Variants in BRCA2 observed in about 807,000 individuals in gnomAD.
BRCA2 encodes breast cancer type 2 susceptibility protein.
BRCA2 carries 203 observed loss-of-function variants against 276.7 expected under a neutral mutation model. The ratio of observed to expected loss-of-function variants is 0.73; its 90% CI spans 0.65 to 0.82. The LOEUF is 0.82. Among genes scored for constraint, BRCA2 ranks in the 40% least tolerant of loss-of-function variants. The pLI, the probability that BRCA2 is intolerant of heterozygous loss-of-function variation, is 0.00. For missense variants in BRCA2, 3,920 were observed against 3,915.0 expected (o/e 1.00, Z -0.03); for synonymous variants, 1,289 against 1,338.4 (o/e 0.96, Z 0.81).
At chr13:32,370,340 A>G in intron 18 of BRCA2, 62 bp from the exon 19 acceptor site, 1 of 1,482,784 alleles carries the variant, frequency 6.7e-7, no homozygotes, top group Non-Finnish European at 9.4e-7. Flanking sequence ...CTCTTATGAT[A>G]TCTGTAATAG....
intron 18 of BRCA2, among the ~76,000 whole-genome samples, chr13:32,369,356 C>A (rs746287597): frequency 1.3e-5 from 2 of 152,106 alleles, no homozygotes; most frequent in African/African-American, 2.4e-5. Context: ...TCAACCATTT[C>A]TTCCTATTTT....
At chr13:32,381,576 A>G (rs2072924676) in intron 24 of BRCA2, among the ~76,000 whole-genome samples, 1 of 152,142 alleles carries the variant, frequency 6.6e-6, no homozygotes, top group South Asian at 2.1e-4. Flanking sequence ...GCCGTGAAGC[A>G]TTGGCAGAGA....
Position 32,379,713 on chromosome 13 carries a change from T to G in BRCA2, c.8954-37T>G, listed in dbSNP as rs1422272596. 2 of 1,588,910 alleles carry G rather than the reference T, an allele frequency of 1.3e-6. No homozygotes were observed. Among genetic ancestry groups the G allele is most frequent in the East Asian group, 4.5e-5 (2 of 44,652 alleles). ...AAACAAACATTTAAATGATAATCAC[T>G]TCTTCCATTGCATCTTTCTCATCTT... is the stretch of plus-strand genomic sequence containing the variant. On this transcript the variant is annotated intron_variant, in intron 22 of 26. Coordinates refer to ENST00000380152, the MANE Select transcript of BRCA2 (RefSeq NM_000059.4).
At chr13:32,392,812 A>G (rs2073006444) in intron 24 of BRCA2, among the ~76,000 whole-genome samples, 2 of 151,982 alleles carry the variant, frequency 1.3e-5, no homozygotes, top group Admixed American at 1.3e-4. Flanking sequence ...AAGGTATTTT[A>G]CCCTGTTTCC....
intron 24 of BRCA2, among the ~76,000 whole-genome samples, chr13:32,380,786 A>C (rs2072919966): frequency 4.0e-5 from 6 of 151,686 alleles, no homozygotes; most frequent in Admixed American, 1.3e-4. Context: ...GTGATCTACC[A>C]GCCTCGGCCT....
intron 24 of BRCA2, among the ~76,000 whole-genome samples, chr13:32,388,051 A>G (rs1299003853): frequency 2.0e-5 from 3 of 150,296 alleles, no homozygotes; most frequent in Admixed American, 2.0e-4. Flanking sequence ...ATTTCTTACA[A>G]TCTCTTGTCT....
At position 32,344,571 on chromosome 13, in the gene BRCA2, CAAAAG is replaced by C. The variant is rs398122568; in HGVS notation, c.6859_6863del (p.Arg2287LeufsTer4). On this transcript the variant is annotated frameshift_variant, in exon 12 of 27. Coordinates refer to ENST00000380152, the MANE Select transcript of BRCA2 (RefSeq NM_000059.4). LOFTEE classifies it high-confidence loss of function. Reference sequence around the variant, plus strand: ...ATTTCTTTTTAGGAGAACCCTCAATCAAAAGAAACTTATTAAATGAATTTGACAGG... The same window carrying C: ...ATTTCTTTTTAGGAGAACCCTCAATCAAACTTATTAAATGAATTTGACAGG... 6.5e-7 allele frequency: 1 copy of C among 1,548,044 alleles called. No homozygotes were observed. Among genetic ancestry groups the C allele is most frequent in the Non-Finnish European group, 8.9e-7 (1 of 1,123,388 alleles).
At chr13:32,358,423 C>T (rs1045549583) in intron 16 of BRCA2, among the ~76,000 whole-genome samples, 1 of 150,912 alleles carries the variant, frequency 6.6e-6, no homozygotes, top group Admixed American at 6.6e-5. Flanking sequence ...TTGCAGTGAG[C>T]CAAGATTGAG....
chr13:32,345,340 C>A (rs2072604047), intron 12 of BRCA2, among the ~76,000 whole-genome samples: 2 of 152,138 alleles, frequency 1.3e-5, no homozygotes. Context: ...AATATACCAA[C>A]AGTACAAATA....
intron 20 of BRCA2, among the ~76,000 whole-genome samples, chr13:32,374,923 G>A (rs1268548651): frequency 6.6e-6 from 1 of 152,196 alleles, no homozygotes; most frequent in Non-Finnish European, 1.5e-5. Context: ...ACCTGAGACT[G>A]GGTAATTTGT....
chr13:32,329,372 G>T, intron 7 of BRCA2, 71 bp from the exon 8 acceptor site: 2 of 1,069,032 alleles, frequency 1.9e-6, no homozygotes, highest in South Asian at 1.4e-5. Context: ...TGTGCTTTTT[G>T]ATGTCTGACA....
Position 32,319,258 on chromosome 13 carries a change from G to A in BRCA2, c.249G>A (p.Glu83=), listed in dbSNP as rs1442324599. The A allele has an allele frequency of 6.2e-7, 1 of 1,613,844 alleles. No individual in the cohort carries two copies. Among genetic ancestry groups the A allele is most frequent in the South Asian group, 1.1e-5 (1 of 91,074 alleles). Residue 83 remains glutamate, a synonymous_variant, in exon 3 of 27, where the codon GAG becomes GAA. Coordinates refer to ENST00000380152, the MANE Select transcript of BRCA2 (RefSeq NM_000059.4). ...QLASTPIIFK[E]QGLTLPLYQS... is the part of the protein sequence containing the mutation. ...CTTCAACTCCAATAATATTCAAAGA[G>A]CAAGGGCTGACTCTGCCGCTGTACC...
intron 16 of BRCA2, among the ~76,000 whole-genome samples, chr13:32,360,600 C>T (rs2072731882): frequency 6.6e-6 from 1 of 152,104 alleles, no homozygotes; most frequent in African/African-American, 2.4e-5. Context: ...CCTCAGGATC[C>T]ACCCTCCTCG....
Position 32,363,293 on chromosome 13 carries a change from C to T in BRCA2, c.8091C>T (p.Ser2697=), listed in dbSNP as rs140782158. 1.1e-5 allele frequency: 18 copies of T among 1,614,078 alleles called. No individual in the cohort carries two copies. Among genetic ancestry groups the T allele is most frequent in the African/African-American group, 2.7e-5 (2 of 75,014 alleles). The change falls in exon 18 of 27, where the codon AGC becomes AGT. Residue 2697 remains serine, a synonymous_variant. Transcript: ENST00000380152. ...GTGTTTCTGACATAATTTCATTGAGCGCAAATATATCTGAAACTTCTAGCA... is the reference window on the plus strand; with the variant it reads ...GTGTTTCTGACATAATTTCATTGAGTGCAAATATATCTGAAACTTCTAGCA... ...VLCVSDIISL[S]ANISETSSNK...
At position 32,355,115 on chromosome 13, in the gene BRCA2, A is replaced by C; in HGVS notation, c.7262A>C (p.Gln2421Pro). 6.2e-7 allele frequency: 1 copy of C among 1,613,516 alleles called. No individual in the cohort carries two copies. Among genetic ancestry groups the C allele is most frequent in the Non-Finnish European group, 8.5e-7 (1 of 1,179,584 alleles). ...KTKSHFHRVE[Q>P]CVRNINLEEN... ...AAATCACATTTTCACAGAGTTGAAC[A>C]GTGTGTTAGGAATATTAACTTGGAG... is the stretch of plus-strand genomic sequence containing the variant. Residue 2421 changes from glutamine (Q) to proline (P), a missense_variant, in exon 14 of 27, where the codon CAG becomes CCG. Physicochemically the swap from Gln to Pro is moderately conservative, Grantham distance 76. Around this residue, in one of 2 missense-constraint regions of BRCA2, gnomAD observed 3,263 missense variants for 3,156.9 expected, o/e 1.03. Coordinates refer to ENST00000380152, the MANE Select transcript of BRCA2 (RefSeq NM_000059.4).
Position 32,339,266 on chromosome 13 carries a change from T to G in BRCA2, c.4911T>G (p.Val1637=), listed in dbSNP as rs1555283985. The change falls in exon 11 of 27, where the codon GTT becomes GTG. Residue 1637 remains valine, a synonymous_variant. Transcript: ENST00000380152. ...LKTSKSIFLK[V]KVHENVEKET... Reference sequence around the variant, plus strand: ...CATCAAAAAGTATCTTTTTGAAAGTTAAAGTACATGAAAATGTAGAAAAAG... The same window carrying G: ...CATCAAAAAGTATCTTTTTGAAAGTGAAAGTACATGAAAATGTAGAAAAAG... The G allele has an allele frequency of 3.1e-6, 5 of 1,611,902 alleles. No homozygotes were observed. Among genetic ancestry groups the G allele is most frequent in the Non-Finnish European group, 4.2e-6 (5 of 1,179,402 alleles).
At chr13:32,327,827 G>A (rs2072361387) in intron 7 of BRCA2, among the ~76,000 whole-genome samples, 1 of 150,856 alleles carries the variant, frequency 6.6e-6, no homozygotes, top group South Asian at 2.1e-4. Flanking sequence ...GGAGTGCAGT[G>A]GCACCGTCGC....
At chr13:32,395,382 C>A (rs1196373178) in intron 25 of BRCA2, among the ~76,000 whole-genome samples, 1 of 152,102 alleles carries the variant, frequency 6.6e-6, no homozygotes, top group East Asian at 1.9e-4. Flanking sequence ...TTCCCTAGAT[C>A]ATGTATGCAT....
At position 32,336,998 on chromosome 13, in the gene BRCA2, A is replaced by G. The variant is rs2072461726; in HGVS notation, c.2643A>G (p.Glu881=). Residue 881 remains glutamate (E), a synonymous_variant, in exon 11 of 27, where the codon GAA becomes GAG. Transcript: ENST00000380152. ...TAACTGTCAATCCAGACTCTGAAGA[A>G]CTTTTCTCAGACAATGAGAATAATT... ...SKITVNPDSE[E]LFSDNENNFV... 2 of 1,587,718 alleles carry G rather than the reference A, an allele frequency of 1.3e-6. No homozygotes were observed. The highest frequency in any genetic ancestry group is 1.4e-5 in the African/African-American group (1 of 73,262).
Sources: allele counts gnomAD v4.1 joint callset (sites outside exome capture counted in the v4.1 genomes callset), GRCh38; gene constraint gnomAD v4.1.1; regional missense constraint gnomAD v4.1.1; transcripts MANE v1.5; gene names NCBI Gene and HGNC (gene_info 2026-07-23, HGNC 2026-07-21).